LGSN: variants seen among roughly 807,000 people sequenced by gnomAD.
LGSN encodes the protein lengsin, lens protein with glutamine synthetase domain.
Under a neutral mutation model 19.5 loss-of-function variants are expected in LGSN, and 21 were observed. The ratio of observed to expected loss-of-function variants is 1.07; its 90% confidence interval spans 0.76 to 1.55. The LOEUF is 1.55. Ranked by LOEUF, LGSN falls within the 40% of genes most tolerant of loss-of-function variation. The pLI is 0.00. For synonymous variants in LGSN, 257 were observed against 215.6 expected (o/e 1.19, Z -1.68); for missense variants, 673 against 608.5 (o/e 1.11, Z -1.12).
chr6:63,478,345 A>G, the LGSN span, among the ~76,000 whole-genome samples: 2 of 152,212 alleles, frequency 1.3e-5, no homozygotes, highest in African/African-American at 4.8e-5. Context: ...GTGGTTGCCA[A>G]GGACTGGGGG....
At chr6:63,564,942 A>G in the LGSN span, among the ~76,000 whole-genome samples, 2 of 152,228 alleles carry the variant, frequency 1.3e-5, no homozygotes, top group Admixed American at 6.5e-5. Flanking sequence ...TCAGTGCCCC[A>G]AGGAAATGGT....
At chr6:63,497,651 C>T in the LGSN span, among the ~76,000 whole-genome samples, 2 of 152,094 alleles carry the variant, frequency 1.3e-5, no homozygotes, top group South Asian at 2.1e-4. Flanking sequence ...TAAGCAGTTG[C>T]GCTATTTTTT....
the LGSN span, among the ~76,000 whole-genome samples, chr6:63,409,653 ATACT>A: frequency 1.3e-5 from 2 of 152,216 alleles, no homozygotes; most frequent in Non-Finnish European, 1.5e-5. Flanking sequence ...TGGGATAATA[ATACT>A]TAATAGCTCA....
Position 63,281,229 on chromosome 6 carries a change from G to T in LGSN, c.331-9C>A. 1 of 1,437,206 alleles carries T rather than the reference G, an allele frequency of 7.0e-7. No individual in the cohort carries two copies. The allele number at this position is 1,437,206 out of a possible 1,614,324, so 89.0% of individuals were successfully genotyped here. A position where few individuals can be genotyped will look rare whatever the true frequency, so the allele number is the denominator to read the frequency against. Reference sequence around the variant, plus strand: ...CCATGGCTCACTTTCTCCTAAAGAAGGAAAAAAATGAAGAAATTAGGTTTT... The same window carrying T: ...CCATGGCTCACTTTCTCCTAAAGAATGAAAAAAATGAAGAAATTAGGTTTT... On this transcript the variant is annotated splice_polypyrimidine_tract_variant and intron_variant, in intron 3 of 3. Coordinates refer to ENST00000370657, the MANE Select transcript of LGSN (RefSeq NM_016571.3).
chr6:63,290,359 A>C (rs937901568), intron 2 of LGSN, among the ~76,000 whole-genome samples: 46 of 152,344 alleles, frequency 3.0e-4, no homozygotes, highest in Non-Finnish European at 5.4e-4. Context: ...GGCTTAAGAC[A>C]AAGAAATGGT....
At chr6:63,492,307 T>C in the LGSN span, among the ~76,000 whole-genome samples, 81,516 of 152,080 alleles carry the variant, frequency 0.54, 23,680 homozygotes, top group African/African-American at 0.77. Flanking sequence ...TCCTGTCCTT[T>C]CTGCAGCTGT....
chr6:63,336,561 G>GTGTGTGTGTATA, the LGSN span, among the ~76,000 whole-genome samples: 22 of 127,578 alleles, frequency 1.7e-4, no homozygotes, highest in African/African-American at 6.5e-4. Flanking sequence ...GTGTGTGTGT[G>GTGTGTGTGTATA]TATATATATA....
chr6:63,432,063 A>G, the LGSN span, among the ~76,000 whole-genome samples: 1 of 149,056 alleles, frequency 6.7e-6, no homozygotes, highest in East Asian at 2.0e-4. Flanking sequence ...TGACAGAGTA[A>G]GACTCCATCT....
upstream of LGSN, among the ~76,000 whole-genome samples, chr6:63,321,971 G>A (rs1302794536): frequency 1.3e-5 from 2 of 152,130 alleles, no homozygotes; most frequent in African/African-American, 2.4e-5. Flanking sequence ...CCAAAAAGTT[G>A]TAATCTAATT....
chr6:63,469,218 C>G, the LGSN span, among the ~76,000 whole-genome samples: 3 of 152,088 alleles, frequency 2.0e-5, no homozygotes, highest in African/African-American at 7.2e-5. Flanking sequence ...CTGAGCTGAG[C>G]CCAGGAGCCA....
the LGSN span, among the ~76,000 whole-genome samples, chr6:63,368,025 G>T: frequency 6.6e-6 from 1 of 151,076 alleles, no homozygotes; most frequent in Non-Finnish European, 1.5e-5. Context: ...CACCAACATG[G>T]CACATGTATA....
chr6:63,412,481 G>GAA, the LGSN span, among the ~76,000 whole-genome samples: 6 of 91,494 alleles, frequency 6.6e-5, no homozygotes, highest in African/African-American at 2.6e-4. Context: ...AGAGAAGAAA[G>GAA]AGAAGAAAGA....
the LGSN span, among the ~76,000 whole-genome samples, chr6:63,462,478 C>CA: frequency 2.4e-4 from 37 of 151,164 alleles, no homozygotes; most frequent in South Asian, 6.3e-4. Flanking sequence ...ACTAAAAATA[C>CA]AAAAAAAAAT....
chr6:63,310,534 G>T (rs78770926), intron 1 of LGSN, among the ~76,000 whole-genome samples: 5,048 of 151,864 alleles, frequency 0.033, 285 homozygotes, highest in African/African-American at 0.12. Context: ...AAAAGTTCAT[G>T]GAAATGGAAT....
At chr6:63,359,044 C>T in the LGSN span, among the ~76,000 whole-genome samples, 34 of 152,178 alleles carry the variant, frequency 2.2e-4, no homozygotes, top group Non-Finnish European at 4.1e-4. Flanking sequence ...TAGCATGAAG[C>T]GCTGTTGAAT....
At chr6:63,285,944 A>G (rs1767520254) in intron 2 of LGSN, among the ~76,000 whole-genome samples, 191 bp from the exon 3 acceptor site, 1 of 152,180 alleles carries the variant, frequency 6.6e-6, no homozygotes, top group Non-Finnish European at 1.5e-5. Flanking sequence ...CACTGTGTCT[A>G]AACAACCTGA....
At chr6:63,284,861 T>C (rs779370709) in intron 3 of LGSN, among the ~76,000 whole-genome samples, 46 of 152,200 alleles carry the variant, frequency 3.0e-4, no homozygotes, top group Non-Finnish European at 5.7e-4. Flanking sequence ...AATTAGAATC[T>C]GATGTTAATG....
the LGSN span, among the ~76,000 whole-genome samples, chr6:63,524,891 C>A: frequency 3.9e-5 from 6 of 152,100 alleles, no homozygotes; most frequent in Non-Finnish European, 8.8e-5. Flanking sequence ...TTTTAAATTG[C>A]AGTTTTTGAA....
the LGSN span, chr6:63,573,096 C>T: frequency 5.8e-6 from 1 of 173,016 alleles, no homozygotes; most frequent in African/African-American, 2.4e-5. Context: ...GCCGCCTCCG[C>T]CCTTGGCCCT....
Sources: allele counts gnomAD v4.1 joint callset (sites outside exome capture counted in the v4.1 genomes callset), GRCh38; gene constraint gnomAD v4.1.1; transcripts MANE v1.5; gene names NCBI Gene and HGNC (gene_info 2026-07-23, HGNC 2026-07-21).